The following SUSD3 variants were observed in gnomAD, a reference collection of about 807,000 sequenced individuals.
The protein encoded by SUSD3 is sushi domain containing 3.
A neutral mutation model predicts 20.6 loss-of-function variants in SUSD3; 18 were observed. The observed-to-expected ratio is 0.87, with a 90% CI of 0.60 to 1.30. The LOEUF is 1.30. SUSD3 is among the 50% of genes most tolerant of loss of function. SUSD3 has a pLI of 0.00. For missense variants in SUSD3, 306 were observed against 346.9 expected (o/e 0.88, Z 0.94); for synonymous variants, 137 against 141.5 (o/e 0.97, Z 0.23).
chr9:93,073,449 C>T (rs886568791), intron 1 of SUSD3, among the ~76,000 whole-genome samples: 4 of 152,034 alleles, frequency 2.6e-5, no homozygotes, highest in Non-Finnish European at 5.9e-5. Context: ...GGGGTTTCAC[C>T]GTGTTAGCCA....
intron 1 of SUSD3, among the ~76,000 whole-genome samples, chr9:93,071,336 G>A (rs950505323): frequency 3.3e-5 from 5 of 152,224 alleles, no homozygotes; most frequent in East Asian, 1.9e-4. Flanking sequence ...TCAGTCTGTG[G>A]CAGAAGGCCC....
chr9:93,063,853 G>A (rs977341090), intron 1 of SUSD3, among the ~76,000 whole-genome samples: 3 of 152,178 alleles, frequency 2.0e-5, no homozygotes, highest in East Asian at 1.9e-4. Context: ...CCAGGACTGC[G>A]TTTAAGGCCC....
intron 1 of SUSD3, among the ~76,000 whole-genome samples, chr9:93,064,209 A>G (rs1356848971): frequency 6.6e-6 from 1 of 152,146 alleles, no homozygotes; most frequent in Admixed American, 6.5e-5. Context: ...CGCCACGCCT[A>G]GCTACTTTTT....
intron 1 of SUSD3, among the ~76,000 whole-genome samples, chr9:93,065,344 A>G (rs530800838): frequency 5.9e-5 from 9 of 152,280 alleles, no homozygotes; most frequent in Admixed American, 5.9e-4. Flanking sequence ...TTTTATTTTT[A>G]AAGAATGAAT....
At chr9:93,071,038 A>G (rs1289400468) in intron 1 of SUSD3, among the ~76,000 whole-genome samples, 2 of 152,236 alleles carry the variant, frequency 1.3e-5, no homozygotes, top group South Asian at 2.1e-4. Flanking sequence ...CAAATCCACA[A>G]GAAAACAGTG....
intron 1 of SUSD3, among the ~76,000 whole-genome samples, chr9:93,059,610 C>T (rs1825429557): frequency 6.6e-6 from 1 of 152,134 alleles, no homozygotes; most frequent in Non-Finnish European, 1.5e-5. Context: ...CTTCCGCGGC[C>T]ACTGCCCACG....
At chr9:93,060,358 C>T (rs1825456635) in intron 1 of SUSD3, among the ~76,000 whole-genome samples, 1 of 152,100 alleles carries the variant, frequency 6.6e-6, no homozygotes, top group South Asian at 2.1e-4. Context: ...TGTATACCTG[C>T]CCCCAAGCTT....
intron 1 of SUSD3, 62 bp downstream of exon 1, chr9:93,058,892 C>T: frequency 9.4e-7 from 1 of 1,059,062 alleles, no homozygotes; most frequent in Non-Finnish European, 1.2e-6. Context: ...GACGGGAAAG[C>T]CGAGGGGAGG....
chr9:93,071,834 C>G (rs1825923434), intron 1 of SUSD3, among the ~76,000 whole-genome samples: 1 of 152,138 alleles, frequency 6.6e-6, no homozygotes, highest in African/African-American at 2.4e-5. Context: ...AGAAGGGATA[C>G]TAGAGGCAAC....
chr9:93,072,558 C>A (rs1825951679), intron 1 of SUSD3, among the ~76,000 whole-genome samples: 1 of 152,174 alleles, frequency 6.6e-6, no homozygotes, highest in South Asian at 2.1e-4. Context: ...ATGGCTGGGG[C>A]AAGGGGTGGT....
intron 4 of SUSD3, among the ~76,000 whole-genome samples, chr9:93,081,736 G>A (rs1012736106): frequency 2.6e-5 from 4 of 152,264 alleles, no homozygotes; most frequent in Admixed American, 6.5e-5. Context: ...GGATGTAGCC[G>A]AAATGCTGCC....
intron 4 of SUSD3, among the ~76,000 whole-genome samples, chr9:93,080,641 C>G (rs1157432445): frequency 6.6e-6 from 1 of 152,224 alleles, no homozygotes; most frequent in African/African-American, 2.4e-5. Flanking sequence ...AATGGGGTCT[C>G]TTGGCTGAGG....
intron 2 of SUSD3, among the ~76,000 whole-genome samples, chr9:93,077,524 C>G (rs182710713): frequency 9.9e-5 from 15 of 152,266 alleles, no homozygotes; most frequent in African/African-American, 3.6e-4. Flanking sequence ...ACTCTGCACA[C>G]TCCTACACAC....
intron 4 of SUSD3, 21 bp downstream of exon 4, chr9:93,079,623 G>T (rs755585698): frequency 6.2e-7 from 1 of 1,611,802 alleles, no homozygotes; most frequent in South Asian, 1.1e-5. Flanking sequence ...GTCTGGGTAG[G>T]GGACATGCTG....
At chr9:93,062,816 G>A (rs1825560196) in intron 1 of SUSD3, among the ~76,000 whole-genome samples, 1 of 152,166 alleles carries the variant, frequency 6.6e-6, no homozygotes, top group Admixed American at 6.5e-5. Context: ...ATGCCTTGGT[G>A]ATTTCTTGGA....
At chr9:93,075,456 G>A (rs2118971092) in intron 1 of SUSD3, among the ~76,000 whole-genome samples, 1 of 141,070 alleles carries the variant, frequency 7.1e-6, no homozygotes, top group East Asian at 2.1e-4. Context: ...TGCCTTTGGA[G>A]CCGTGTTTAG....
chr9:93,084,961 C>T lies in SUSD3; in HGVS notation c.*214C>T, dbSNP rs1033644332. The T allele has an allele frequency of 2.3e-5, 10 of 433,526 alleles. No homozygotes were observed. The highest frequency in any genetic ancestry group is 6.3e-5 in the South Asian group (1 of 15,780). The allele number at this position is 433,526 out of a possible 1,614,324, so 26.9% of individuals were successfully genotyped here. On this transcript the variant is annotated 3_prime_UTR_variant, in exon 5 of 5. Coordinates refer to ENST00000375472, the MANE Select transcript of SUSD3 (RefSeq NM_145006.4). ...GTGTTCTGTTCCGGCATATCCTGGC[C>T]GTAACGATTTTTATAGTTATGGACT...
At chr9:93,080,318 C>CAAAAA (rs56134136) in intron 4 of SUSD3, among the ~76,000 whole-genome samples, 180 of 54,904 alleles carry the variant, frequency 3.3e-3, no homozygotes, top group East Asian at 4.6e-3. Flanking sequence ...GACTCCGTCT[C>CAAAAA]AAAAAAAAAA....
chr9:93,060,034 G>A (rs1398122248), intron 1 of SUSD3, among the ~76,000 whole-genome samples: 2 of 152,228 alleles, frequency 1.3e-5, no homozygotes, highest in African/African-American at 2.4e-5. Context: ...CAGCCTGGGG[G>A]CGTGGGTGCC....
Sources: gnomAD v4.1 joint callset for allele counts (sites outside exome capture counted in the v4.1 genomes callset) on GRCh38, gnomAD v4.1.1 for gene constraint, MANE v1.5 for transcripts, NCBI Gene and HGNC (gene_info 2026-07-23, HGNC 2026-07-21) for gene names.